The following VDAC3 variants were observed in gnomAD, a reference collection of about 807,000 sequenced individuals.
VDAC3 encodes the protein non-selective voltage-gated ion channel VDAC3.
In VDAC3, 7 loss-of-function variants were observed where a neutral mutation model predicts 33.9. The observed-to-expected ratio is 0.21, with a 90% CI of 0.12 to 0.39. The LOEUF (loss-of-function observed/expected upper bound fraction) is 0.39. Ranked by LOEUF, VDAC3 falls within the 10% of genes least tolerant of loss-of-function variation. The probability of loss-of-function intolerance (pLI) is 1.00; values close to 1 mark genes in which losing one functional copy is unlikely to be tolerated. For missense variants in VDAC3, 261 were observed against 334.5 expected (o/e 0.78, Z 1.71); for synonymous variants, 100 against 122.4 (o/e 0.82, Z 1.21).
At position 42,393,884 on chromosome 8, in the gene VDAC3, G is replaced by C. The variant is rs540795377; in HGVS notation, c.-3G>C. On this transcript the variant is annotated splice_region_variant and 5_prime_UTR_variant, in exon 2 of 10. Coordinates refer to ENST00000022615, the MANE Select transcript of VDAC3 (RefSeq NM_005662.7). ...AAGAGCCTGAGAGAGATTTTTCTAA[G>C]GTAAATTTTGCATATATTTTTAAAA... The C allele has an allele frequency of 7.0e-6, 3 of 426,708 alleles. No homozygotes were observed. In the East Asian group the frequency reaches 1.0e-4, roughly 15 times the overall value. The allele number at this position is 426,708 out of a possible 1,614,324, so 26.4% of individuals were successfully genotyped here.
At chr8:42,400,905 G>T (rs939145414) in intron 6 of VDAC3, among the ~76,000 whole-genome samples, 1 of 151,716 alleles carries the variant, frequency 6.6e-6, no homozygotes, top group Non-Finnish European at 1.5e-5. Context: ...CTCGTGTTCC[G>T]CCTGGCTCGG....
In VDAC3 at chr8:42,405,551, T is replaced by A. The variant is rs756119194; in HGVS notation, c.*89T>A. ...TGGCCTTAAAATTCTTCTGTGAAAT[T>A]TCAAAAGTGTGAACTTTTTATTCTT... is the stretch of plus-strand genomic sequence containing the variant. On this transcript the variant is annotated 3_prime_UTR_variant, in exon 10 of 10. Transcript: ENST00000022615. The A allele has an allele frequency of 3.4e-4, 393 of 1,142,646 alleles. No homozygotes were observed. Among genetic ancestry groups the A allele is most frequent in the Non-Finnish European group, 4.7e-4 (361 of 776,274 alleles). The allele number at this position is 1,142,646 out of a possible 1,614,324, so 70.8% of individuals were successfully genotyped here. A position where few individuals can be genotyped will look rare whatever the true frequency, so the allele number is the denominator to read the frequency against.
At chr8:42,395,214 T>C in intron 4 of VDAC3, 81 bp downstream of exon 4, 1 of 1,579,846 alleles carries the variant, frequency 6.3e-7, no homozygotes, top group Non-Finnish European at 8.6e-7. Flanking sequence ...GTCTAGTTAC[T>C]TGAACCAGCA....
chr8:42,393,960 C>T, intron 2 of VDAC3, 76 bp downstream of exon 2: 1 of 475,244 alleles, frequency 2.1e-6, no homozygotes. Context: ...ACTTACTTTT[C>T]TTTGAAATGC....
intron 7 of VDAC3, chr8:42,402,298 C>G (rs1247973502): frequency 3.6e-5 from 17 of 468,914 alleles, no homozygotes; most frequent in Non-Finnish European, 6.1e-5. Flanking sequence ...GCATGGCTTA[C>G]CTCATGGTAA....
intron 7 of VDAC3, among the ~76,000 whole-genome samples, chr8:42,402,377 C>G (rs938135241): frequency 3.3e-5 from 5 of 152,182 alleles, no homozygotes; most frequent in Admixed American, 3.3e-4. Context: ...GGAAGCAGGT[C>G]TGTTTTGGTC....
At chr8:42,405,283 C>T (rs1802480624) in intron 9 of VDAC3, 88 bp from the exon 10 acceptor site, 3 of 1,099,886 alleles carry the variant, frequency 2.7e-6, no homozygotes, top group East Asian at 2.4e-5. Flanking sequence ...CTACAATCCA[C>T]ACCATTGATT....
chr8:42,395,203 A>G, intron 4 of VDAC3, 70 bp downstream of exon 4: 1 of 1,594,762 alleles, frequency 6.3e-7, no homozygotes, highest in Non-Finnish European at 8.5e-7. Context: ...AAATCATGAC[A>G]GTCTAGTTAC....
chr8:42,401,855 A>G lies in VDAC3; in HGVS notation c.391A>G (p.Ile131Val). The stretch of plus-strand genomic sequence containing the variant: ...TTTTAGTGTTGGCAGTAATGTTGAT[A>G]TAGATTTTTCTGGACCAACCATCTA... ...DCFSVGSNVD[I>V]DFSGPTIYGW... Residue 131 changes from isoleucine to valine, a missense_variant, in exon 7 of 10, where the codon ATA (isoleucine) becomes GTA (valine). Physicochemically the swap from Ile to Val is conservative, Grantham distance 29. Coordinates refer to ENST00000022615, the MANE Select transcript of VDAC3 (RefSeq NM_005662.7). 6.2e-7 allele frequency: 1 copy of G among 1,614,238 alleles called. No homozygotes were observed. Among genetic ancestry groups the G allele is most frequent in the East Asian group, 2.2e-5 (1 of 44,886 alleles).
At chr8:42,396,528 C>A in intron 4 of VDAC3, 1 of 577,492 alleles carries the variant, frequency 1.7e-6, no homozygotes, top group Non-Finnish European at 3.0e-6. Flanking sequence ...CTAAGATGGG[C>A]ACGCTGTGTA....
chr8:42,392,977 C>G (rs1395352042), intron 1 of VDAC3, among the ~76,000 whole-genome samples: 2 of 152,118 alleles, frequency 1.3e-5, no homozygotes, highest in Non-Finnish European at 2.9e-5. Flanking sequence ...GTAAAATAAT[C>G]GTTCTGTAAG....
At position 42,405,716 on chromosome 8, in the gene VDAC3, C is replaced by T. The variant is rs771817972; in HGVS notation, c.*254C>T. 7.4e-6 allele frequency: 3 copies of T among 406,826 alleles called. No individual in the cohort carries two copies. Among genetic ancestry groups the T allele is most frequent in the Non-Finnish European group, 1.4e-5 (3 of 221,486 alleles). The allele number at this position is 406,826 out of a possible 1,614,324, so 25.2% of individuals were successfully genotyped here. On this transcript the variant is annotated 3_prime_UTR_variant, in exon 10 of 10. Coordinates refer to ENST00000022615, the MANE Select transcript of VDAC3 (RefSeq NM_005662.7). ...TTCTGAAGTGTTATTAAATGTGTTC[C>T]TCAGCGACAGTGTAGCGTCATGTTA...
chr8:42,393,416 A>C (rs936190271), intron 1 of VDAC3, among the ~76,000 whole-genome samples: 1 of 152,190 alleles, frequency 6.6e-6, no homozygotes, highest in African/African-American at 2.4e-5. Context: ...ATACAGAAGA[A>C]CCTGCTGCAG....
intron 4 of VDAC3, among the ~76,000 whole-genome samples, chr8:42,395,764 C>A (rs1308052364): frequency 6.6e-6 from 1 of 151,428 alleles, no homozygotes; most frequent in Non-Finnish European, 1.5e-5. Context: ...TCGAGACCAG[C>A]CTGGTCAACA....
chr8:42,404,721 TCAA>T, intron 8 of VDAC3, 143 bp from the exon 9 acceptor site: 1 of 497,848 alleles, frequency 2.0e-6, no homozygotes, highest in East Asian at 3.5e-5. Context: ...AAACTTCATC[TCAA>T]AAAAAAAAAA....
At chr8:42,393,110 CAT>C (rs987412529) in intron 1 of VDAC3, among the ~76,000 whole-genome samples, 11 of 151,858 alleles carry the variant, frequency 7.2e-5, no homozygotes, top group African/African-American at 2.7e-4. Context: ...CTCTTTATAT[CAT>C]AGTGTCTGTC....
chr8:42,399,537 C>A, intron 5 of VDAC3, 114 bp from the exon 6 acceptor site: 1 of 924,496 alleles, frequency 1.1e-6, no homozygotes, highest in Non-Finnish European at 1.6e-6. Flanking sequence ...ATTTTGCTTT[C>A]TTGAATGACT....
chr8:42,396,194 G>A (rs1207022460), intron 4 of VDAC3, among the ~76,000 whole-genome samples: 2 of 152,172 alleles, frequency 1.3e-5, no homozygotes, highest in African/African-American at 4.8e-5. Context: ...GGAGGCAGAG[G>A]TTGCAGTGAG....
At chr8:42,403,191 G>T in intron 7 of VDAC3, 120 bp from the exon 8 acceptor site, 1 of 1,170,472 alleles carries the variant, frequency 8.5e-7, no homozygotes, top group Admixed American at 2.5e-5. Context: ...CTAGAAATTT[G>T]CTGAAATCTA....
Sources: allele counts gnomAD v4.1 joint callset (sites outside exome capture counted in the v4.1 genomes callset), GRCh38; gene constraint gnomAD v4.1.1; transcripts MANE v1.5; gene names NCBI Gene and HGNC (gene_info 2026-07-23, HGNC 2026-07-21).